ADCY5: variants seen among roughly 807,000 people sequenced by gnomAD.
The protein encoded by ADCY5 is adenylate cyclase type 5.
ADCY5 carries 30 observed loss-of-function variants against 119.7 expected under a neutral mutation model. That is an observed-to-expected ratio of 0.25 (90% CI 0.19 to 0.34). The LOEUF (loss-of-function observed/expected upper bound fraction) is 0.34, where lower values mean the gene tolerates loss of function less well. Among genes scored for constraint, ADCY5 ranks in the 10% least tolerant of loss-of-function variants. The probability of loss-of-function intolerance (pLI) is 1.00; values close to 1 mark genes in which losing one functional copy is unlikely to be tolerated. For missense variants in ADCY5, 1,324 were observed against 1,775.2 expected, an observed-to-expected ratio of 0.75 and a Z score of 4.57; for synonymous variants, 753 against 762.2, an observed-to-expected ratio of 0.99 and a Z score of 0.20.
intron 1 of ADCY5, among the ~76,000 whole-genome samples, chr3:123,362,322 T>C (rs1374991112): frequency 2.0e-5 from 3 of 152,156 alleles, no homozygotes; most frequent in Non-Finnish European, 2.9e-5. Context: ...CCAACACTTA[T>C]TTTGTTAACT....
At chr3:123,304,882 C>A (rs1348514354) in intron 12 of ADCY5, among the ~76,000 whole-genome samples, 1 of 152,138 alleles carries the variant, frequency 6.6e-6, no homozygotes, top group Non-Finnish European at 1.5e-5. Context: ...ATGCAGCTGG[C>A]CTTGTAAATC....
intron 15 of ADCY5, among the ~76,000 whole-genome samples, chr3:123,298,820 A>G (rs1292829051): frequency 8.5e-6 from 1 of 118,248 alleles, no homozygotes; most frequent in African/African-American, 3.2e-5. Flanking sequence ...CAGGGGACAC[A>G]AAACTGTCAC....
intron 1 of ADCY5, among the ~76,000 whole-genome samples, chr3:123,440,644 C>T (rs1012721308): frequency 6.6e-6 from 1 of 152,126 alleles, no homozygotes; most frequent in Non-Finnish European, 1.5e-5. Flanking sequence ...CCTCCACCCC[C>T]TGACTTCCTC....
intron 2 of ADCY5, among the ~76,000 whole-genome samples, chr3:123,348,450 G>A (rs1942679737): frequency 6.6e-6 from 1 of 152,142 alleles, no homozygotes; most frequent in Non-Finnish European, 1.5e-5. Flanking sequence ...AAAGCTTCCG[G>A]TGTCATGGGG....
intron 1 of ADCY5, among the ~76,000 whole-genome samples, chr3:123,382,991 C>A (rs1167751547): frequency 6.6e-6 from 1 of 152,158 alleles, no homozygotes; most frequent in East Asian, 1.9e-4. Flanking sequence ...CCACTCTGGG[C>A]CCTGCACTCC....
At chr3:123,305,706 A>G (rs1033279102) in intron 12 of ADCY5, among the ~76,000 whole-genome samples, 2 of 152,252 alleles carry the variant, frequency 1.3e-5, no homozygotes, top group African/African-American at 4.8e-5. Flanking sequence ...GTTCTTGACA[A>G]AAAGTCAGGC....
chr3:123,312,261 A>C (rs369677537), intron 12 of ADCY5, among the ~76,000 whole-genome samples: 1 of 152,376 alleles, frequency 6.6e-6, no homozygotes, highest in East Asian at 1.9e-4. Context: ...AAGTACCTGA[A>C]AGAAACAAAT....
intron 1 of ADCY5, chr3:123,368,047 C>G: frequency 2.7e-6 from 4 of 1,464,046 alleles, no homozygotes; most frequent in Non-Finnish European, 3.6e-6. Context: ...CAGAGATTGC[C>G]TGGGGGAGAG....
Position 123,284,494 on chromosome 3 carries a change from C to A in ADCY5, c.*114G>T. 6.7e-7 allele frequency: 1 copy of A among 1,488,384 alleles called. No homozygotes were observed. Among genetic ancestry groups the A allele is most frequent in the East Asian group, 2.3e-5 (1 of 43,802 alleles). The allele number at this position is 1,488,384 out of a possible 1,614,324, so 92.2% of individuals were successfully genotyped here. ...GCTCTGGAGTCCAAGTGGAAAATCT[C>A]AGCAGCGCAGCCCTGCGGGCTGGAG... On this transcript the variant is annotated 3_prime_UTR_variant, in exon 21 of 21. Coordinates refer to ENST00000462833, the MANE Select transcript of ADCY5 (RefSeq NM_183357.3).
intron 1 of ADCY5, among the ~76,000 whole-genome samples, chr3:123,373,965 C>T (rs146384053): frequency 1.5e-3 from 222 of 152,220 alleles, no homozygotes; most frequent in African/African-American, 5.2e-3. Flanking sequence ...GGTCAACTCC[C>T]AAATCTCCAT....
chr3:123,448,613 G>A lies in ADCY5; in HGVS notation c.-68C>T. On this transcript the variant is annotated 5_prime_UTR_variant, in exon 1 of 21. Coordinates refer to ENST00000462833, the MANE Select transcript of ADCY5 (RefSeq NM_183357.3). ...CCGGGCCGGGGGTCTCCAAGGGGAG[G>A]GCGGACGGCCGAGCAGGGGGACCAG... The A allele has an allele frequency of 8.0e-7, 1 of 1,253,456 alleles. No individual in the cohort carries two copies. Among genetic ancestry groups the A allele is most frequent in the South Asian group, 3.2e-5 (1 of 31,600 alleles). 77.6% of individuals were successfully genotyped at this position (1,253,456 alleles called of 1,614,324 possible).
chr3:123,444,490 T>C (rs556212655), intron 1 of ADCY5, among the ~76,000 whole-genome samples: 4 of 152,150 alleles, frequency 2.6e-5, no homozygotes, highest in Admixed American at 6.5e-5. Flanking sequence ...ACAAACACTA[T>C]GGACAGAGCC....
chr3:123,399,925 AGG>A (rs1944707343), intron 1 of ADCY5, among the ~76,000 whole-genome samples: 1 of 152,212 alleles, frequency 6.6e-6, no homozygotes, highest in Admixed American at 6.5e-5. Context: ...ACAGAAGGCC[AGG>A]GGTTAAGGGC....
intron 1 of ADCY5, among the ~76,000 whole-genome samples, chr3:123,372,310 AC>A: frequency 6.6e-6 from 1 of 151,560 alleles, no homozygotes; most frequent in East Asian, 1.9e-4. Context: ...CACTGCTCTG[AC>A]CCCCAACACA....
intron 8 of ADCY5, among the ~76,000 whole-genome samples, chr3:123,322,278 C>T (rs1158692519): frequency 2.0e-5 from 3 of 152,222 alleles, no homozygotes; most frequent in African/African-American, 7.2e-5. Flanking sequence ...AGCTATATTA[C>T]ATATATGCTG....
chr3:123,305,335 C>G (rs1465469210), intron 12 of ADCY5, among the ~76,000 whole-genome samples: 1 of 152,228 alleles, frequency 6.6e-6, no homozygotes, highest in Admixed American at 6.5e-5. Flanking sequence ...GTTGGCCACA[C>G]TGACAGACAG....
intron 1 of ADCY5, among the ~76,000 whole-genome samples, chr3:123,357,379 C>T (rs1268153675): frequency 2.0e-5 from 3 of 152,098 alleles, no homozygotes; most frequent in Non-Finnish European, 4.4e-5. Flanking sequence ...GGCATGACCC[C>T]CAAAGCAATT....
chr3:123,325,506 C>G, intron 7 of ADCY5, 44 bp from the exon 8 acceptor site: 1 of 1,611,356 alleles, frequency 6.2e-7, no homozygotes. Context: ...GGAGTCCAAG[C>G]GGAGGGCTCC....
chr3:123,319,899 C>T (rs1033227509), intron 9 of ADCY5, 81 bp from the exon 10 acceptor site: 2 of 1,553,912 alleles, frequency 1.3e-6, no homozygotes, highest in Non-Finnish European at 1.8e-6. Context: ...ACCATCCCCC[C>T]AGACTCTCGG....
Sources: gnomAD v4.1 joint callset for allele counts (sites outside exome capture counted in the v4.1 genomes callset) on GRCh38, gnomAD v4.1.1 for gene constraint, MANE v1.5 for transcripts, NCBI Gene and HGNC (gene_info 2026-07-23, HGNC 2026-07-21) for gene names.